The following SLC17A6 variants were observed in gnomAD, a reference collection of about 807,000 sequenced individuals.
SLC17A6 encodes the protein vesicular glutamate transporter 2.
SLC17A6 carries 35 observed loss-of-function variants against 67.1 expected under a neutral mutation model. That is an observed-to-expected ratio of 0.52 (90% CI 0.40 to 0.69). SLC17A6 has a LOEUF of 0.69. Ranked by LOEUF, SLC17A6 falls within the 30% of genes least tolerant of loss-of-function variation. The pLI is 0.00. For synonymous variants in SLC17A6, 285 were observed against 252.3 expected, an observed-to-expected ratio of 1.13 and a Z score of -1.23; for missense variants, 588 against 723.9, an observed-to-expected ratio of 0.81 and a Z score of 2.15.
intron 2 of SLC17A6, among the ~76,000 whole-genome samples, chr11:22,342,105 G>T (rs1855822240): frequency 6.6e-6 from 1 of 152,184 alleles, no homozygotes. Flanking sequence ...TGTTTTACTT[G>T]GATGAATAGT....
At chr11:22,363,770 T>C (rs1419221709) in intron 6 of SLC17A6, among the ~76,000 whole-genome samples, 1 of 152,064 alleles carries the variant, frequency 6.6e-6, no homozygotes, top group Non-Finnish European at 1.5e-5. Flanking sequence ...CATATAGGTA[T>C]TCGTGAACAT....
intron 1 of SLC17A6, among the ~76,000 whole-genome samples, chr11:22,339,943 C>G (rs1394258146): frequency 6.6e-6 from 1 of 151,694 alleles, no homozygotes; most frequent in Non-Finnish European, 1.5e-5. Flanking sequence ...ATTTTTTTCT[C>G]CCAGTAAAAA....
At position 22,377,856 on chromosome 11, in the gene SLC17A6, C is replaced by A; in HGVS notation, c.*116C>A. The A allele has an allele frequency of 1.2e-6, 1 of 862,550 alleles. No homozygotes were observed. The highest frequency in any genetic ancestry group is 1.7e-6 in the Non-Finnish European group (1 of 575,558). The allele number at this position is 862,550 out of a possible 1,614,324, so 53.4% of individuals were successfully genotyped here. On this transcript the variant is annotated 3_prime_UTR_variant, in exon 12 of 12. Coordinates refer to ENST00000263160, the MANE Select transcript of SLC17A6 (RefSeq NM_020346.3). ...AAGCATATCAACCAGGCAAGTCTTG[C>A]TGTAAAAATGAAAACAAAACAAACC... is the stretch of plus-strand genomic sequence containing the variant.
At chr11:22,374,124 A>G (rs575016539) in intron 8 of SLC17A6, among the ~76,000 whole-genome samples, 2 of 152,192 alleles carry the variant, frequency 1.3e-5, no homozygotes, top group African/African-American at 2.4e-5. Context: ...TATGTGTTTA[A>G]CTGATCTTGG....
At chr11:22,359,701 G>A (rs182331904) in intron 4 of SLC17A6, among the ~76,000 whole-genome samples, 174 bp downstream of exon 4, 7 of 152,152 alleles carry the variant, frequency 4.6e-5, no homozygotes, top group African/African-American at 1.7e-4. Context: ...GTCCATAAAT[G>A]ATATGAAACC....
In SLC17A6 at chr11:22,361,000, A is replaced by G; in HGVS notation, c.661+16A>G. On this transcript the variant is annotated intron_variant, in intron 5 of 11. Coordinates refer to ENST00000263160, the MANE Select transcript of SLC17A6 (RefSeq NM_020346.3). Reference sequence around the variant, plus strand: ...TCCTTTTGTGGTGAGTACTGTGTGCAGATGCAGCTATGGTGGCTAAAAGTT... The same window carrying G: ...TCCTTTTGTGGTGAGTACTGTGTGCGGATGCAGCTATGGTGGCTAAAAGTT... 3.7e-6 allele frequency: 6 copies of G among 1,607,234 alleles called. No homozygotes were observed. The highest frequency in any genetic ancestry group is 5.1e-6 in the Non-Finnish European group (6 of 1,174,674).
chr11:22,361,863 G>A (rs1276009517), intron 5 of SLC17A6, among the ~76,000 whole-genome samples: 1 of 152,136 alleles, frequency 6.6e-6, no homozygotes, highest in Non-Finnish European at 1.5e-5. Context: ...TATTAGAACT[G>A]CTGTAAATAA....
chr11:22,343,225 CT>C, intron 2 of SLC17A6, 21 bp from the exon 3 acceptor site: 2 of 1,596,272 alleles, frequency 1.3e-6, no homozygotes, highest in Non-Finnish European at 8.6e-7. Context: ...TCCCTTCACA[CT>C]TTTTTCCTAC....
rs772109547 is a variant in SLC17A6, at chr11:22,374,756, T to C, written c.1043T>C (p.Val348Ala). 1 of 1,600,318 alleles carries C rather than the reference T, an allele frequency of 6.2e-7. No homozygotes were observed. The highest frequency in any genetic ancestry group is 2.2e-5 in the East Asian group (1 of 44,456). The change falls in exon 9 of 12, where the codon GTT becomes GCT. Residue 348 changes from valine to alanine, a missense_variant and splice_region_variant. Physicochemically the swap from Val to Ala is moderately conservative, Grantham distance 64. Around this residue, in one of 4 missense-constraint regions of SLC17A6, gnomAD observed 414 missense variants for 563.4 expected, o/e 0.73. Transcript: ENST00000263160. The stretch of plus-strand genomic sequence containing the variant: ...CTCTCCCTTCTTGTTTTTCATCAGG[T>C]TGGTATGCTATCTGCTGTGCCACAC... ...EEVFGFEISKVGMLSAVPHLV... is the reference protein window; with the variant it reads ...EEVFGFEISKAGMLSAVPHLV...
intron 8 of SLC17A6, 114 bp downstream of exon 8, chr11:22,370,302 AT>A: frequency 1.2e-6 from 1 of 825,740 alleles, no homozygotes; most frequent in Non-Finnish European, 1.9e-6. Context: ...TCATTTATTC[AT>A]TAAACAAATA....
chr11:22,376,534 G>A lies in SLC17A6; in HGVS notation c.1286-11G>A. On this transcript the variant is annotated splice_polypyrimidine_tract_variant and intron_variant, in intron 10 of 11. Transcript: ENST00000263160. ...GGATGCCCTGAGTCAAAACTTATGT[G>A]TGTATTTCAGGTTTCAATGTTAACC... 1 of 1,613,746 alleles carries A rather than the reference G, an allele frequency of 6.2e-7. No individual in the cohort carries two copies.
intron 8 of SLC17A6, among the ~76,000 whole-genome samples, chr11:22,373,063 A>G (rs1856192204): frequency 6.6e-6 from 1 of 152,228 alleles, no homozygotes; most frequent in Non-Finnish European, 1.5e-5. Flanking sequence ...TGCATTTTCC[A>G]TAGTGCTTTG....
chr11:22,350,744 G>T (rs1180509410), intron 3 of SLC17A6, among the ~76,000 whole-genome samples: 1 of 151,992 alleles, frequency 6.6e-6, no homozygotes, highest in Non-Finnish European at 1.5e-5. Context: ...AACACCTTAG[G>T]TGCCAATTAT....
chr11:22,365,730 A>G (rs777517320), intron 7 of SLC17A6, 41 bp downstream of exon 7: 3 of 1,567,836 alleles, frequency 1.9e-6, no homozygotes, highest in African/African-American at 2.7e-5. Flanking sequence ...TCTTATTCCC[A>G]TCTCGCCCCC....
chr11:22,361,288 A>G (rs1202178659), intron 5 of SLC17A6: 6 of 204,978 alleles, frequency 2.9e-5, no homozygotes, highest in Non-Finnish European at 5.8e-5. Flanking sequence ...GAACCTCAGT[A>G]TTTTCTTTTT....
chr11:22,379,186 C>G lies in SLC17A6; in HGVS notation c.*1446C>G, dbSNP rs1590398380. On this transcript the variant is annotated 3_prime_UTR_variant, in exon 12 of 12. Transcript: ENST00000263160. The stretch of plus-strand genomic sequence containing the variant: ...TAACATCAGACCCCTTTATAATGTC[C>G]TAAAATTATGATAATACATTTCCCA... The G allele has an allele frequency of 6.6e-6, 1 of 152,196 alleles. No individual in the cohort carries two copies. Among genetic ancestry groups the G allele is most frequent in the South Asian group, 2.1e-4 (1 of 4,806 alleles). 9.4% of individuals were successfully genotyped at this position (152,196 alleles called of 1,614,324 possible).
intron 3 of SLC17A6, among the ~76,000 whole-genome samples, chr11:22,356,430 A>C (rs1181419052): frequency 6.6e-6 from 1 of 152,230 alleles, no homozygotes; most frequent in African/African-American, 2.4e-5. Context: ...ATTATATAAA[A>C]TTAAATAAGA....
chr11:22,365,750 C>A, intron 7 of SLC17A6, 61 bp downstream of exon 7: 1 of 1,517,608 alleles, frequency 6.6e-7, no homozygotes, highest in South Asian at 1.3e-5. Flanking sequence ...CATTGACCAA[C>A]CAAACTATCT....
At chr11:22,356,706 T>C (rs1420638830) in intron 3 of SLC17A6, among the ~76,000 whole-genome samples, 1 of 152,126 alleles carries the variant, frequency 6.6e-6, no homozygotes, top group Non-Finnish European at 1.5e-5. Flanking sequence ...CATGTTGGCG[T>C]GGGCCTGTAC....
Sources: allele counts gnomAD v4.1 joint callset (sites outside exome capture counted in the v4.1 genomes callset), GRCh38; gene constraint gnomAD v4.1.1; regional missense constraint gnomAD v4.1.1; transcripts MANE v1.5; gene names NCBI Gene and HGNC (gene_info 2026-07-23, HGNC 2026-07-21).